SLC9A9: variants seen among roughly 807,000 people sequenced by gnomAD.
SLC9A9 encodes sodium/hydrogen exchanger 9.
In SLC9A9, 62 loss-of-function variants were observed where a neutral mutation model predicts 77.8. That is an observed-to-expected ratio of 0.80 (90% CI 0.65 to 0.98). The LOEUF (loss-of-function observed/expected upper bound fraction) is 0.98. SLC9A9 is among the 50% of genes least tolerant of loss of function. The probability of loss-of-function intolerance (pLI) is 0.00; values close to 1 mark genes in which losing one functional copy is unlikely to be tolerated. For missense variants in SLC9A9, 775 were observed against 774.9 expected (o/e 1.00, Z 0.00); for synonymous variants, 320 against 283.5 (o/e 1.13, Z -1.29).
In SLC9A9 at chr3:143,807,401, G is replaced by A. The variant is rs573122454; in HGVS notation, c.379-10498C>T. Among the ~76,000 whole-genome samples, 19 of 152,380 alleles carry A rather than the reference G, an allele frequency of 1.2e-4. No homozygotes were observed. In the South Asian group the frequency reaches 1.9e-3, roughly 15 times the overall value. ...AAAAGAAATGGTGGAGTGGGCAAAG[G>A]CCATAGTGTGGGGCCTCACTGACCT... On this transcript the variant is annotated intron_variant, in intron 2 of 15. Coordinates refer to ENST00000316549, the MANE Select transcript of SLC9A9 (RefSeq NM_173653.4).
At chr3:143,367,310 A>ATT (rs2032934154) in intron 13 of SLC9A9, among the ~76,000 whole-genome samples, 1 of 152,238 alleles carries the variant, frequency 6.6e-6, no homozygotes, top group Non-Finnish European at 1.5e-5. Flanking sequence ...GTGAGGAATA[A>ATT]ACTTGGATCT....
chr3:143,718,595 C>T (rs887236208), intron 4 of SLC9A9, among the ~76,000 whole-genome samples: 1 of 152,218 alleles, frequency 6.6e-6, no homozygotes, highest in African/African-American at 2.4e-5. Context: ...GTTCCACCAC[C>T]TTCCTGGCCC....
intron 12 of SLC9A9, among the ~76,000 whole-genome samples, chr3:143,442,434 C>T (rs923663169): frequency 4.6e-5 from 7 of 152,204 alleles, no homozygotes; most frequent in Admixed American, 4.6e-4. Flanking sequence ...ACTTTAAACT[C>T]ACATGGGCTG....
At chr3:143,371,402 T>C (rs558871237) in intron 13 of SLC9A9, among the ~76,000 whole-genome samples, 16 of 152,318 alleles carry the variant, frequency 1.1e-4, no homozygotes, top group African/African-American at 3.8e-4. Flanking sequence ...TACAAGATTT[T>C]AATGGCTTGA....
chr3:143,843,428 G>A (rs2009755139), intron 1 of SLC9A9, among the ~76,000 whole-genome samples: 1 of 152,216 alleles, frequency 6.6e-6, no homozygotes, highest in African/African-American at 2.4e-5. Flanking sequence ...GGTGTTGAGT[G>A]AATTAAATTT....
chr3:143,394,718 C>A (rs908544157), intron 12 of SLC9A9, among the ~76,000 whole-genome samples: 2 of 152,102 alleles, frequency 1.3e-5, no homozygotes, highest in Non-Finnish European at 2.9e-5. Flanking sequence ...GTCTCAGCCC[C>A]AAATCTCCTT....
At chr3:143,287,533 C>T (rs749058459) in intron 14 of SLC9A9, among the ~76,000 whole-genome samples, 8 of 152,112 alleles carry the variant, frequency 5.3e-5, no homozygotes, top group Non-Finnish European at 7.4e-5. Flanking sequence ...CTGAAAGAAC[C>T]TGGAGCAGAT....
At chr3:143,303,242 G>T (rs2030613962) in intron 14 of SLC9A9, among the ~76,000 whole-genome samples, 1 of 152,380 alleles carries the variant, frequency 6.6e-6, no homozygotes, top group Admixed American at 6.5e-5. Context: ...GTGTGTTTGT[G>T]TTGGGGCTGG....
At chr3:143,552,484 T>A in intron 8 of SLC9A9, 34 bp from the exon 9 acceptor site, 2 of 1,591,744 alleles carry the variant, frequency 1.3e-6, no homozygotes, top group Non-Finnish European at 1.7e-6. Context: ...TCAAAACCAA[T>A]TTTTCTTTTC....
intron 14 of SLC9A9, among the ~76,000 whole-genome samples, chr3:143,292,499 G>A (rs895208619): frequency 1.3e-5 from 2 of 151,922 alleles, no homozygotes; most frequent in Non-Finnish European, 2.9e-5. Flanking sequence ...TTTTTTTCGC[G>A]ATGTCCTATA....
At chr3:143,361,958 T>C (rs1177470080) in intron 14 of SLC9A9, among the ~76,000 whole-genome samples, 1 of 152,252 alleles carries the variant, frequency 6.6e-6, no homozygotes, top group Non-Finnish European at 1.5e-5. Context: ...TACCGTGTTC[T>C]TTCTGTACAT....
At chr3:143,456,203 A>G (rs2035088648) in intron 12 of SLC9A9, among the ~76,000 whole-genome samples, 1 of 152,096 alleles carries the variant, frequency 6.6e-6, no homozygotes, top group Non-Finnish European at 1.5e-5. Flanking sequence ...CATTTCAGTG[A>G]TTGATATTTA....
At chr3:143,783,571 T>C (rs2007951127) in intron 4 of SLC9A9, among the ~76,000 whole-genome samples, 1 of 152,148 alleles carries the variant, frequency 6.6e-6, no homozygotes, top group Admixed American at 6.5e-5. Flanking sequence ...GTTATCAACC[T>C]AAAATGGATT....
chr3:143,584,248 G>T (rs1265218309), intron 6 of SLC9A9, among the ~76,000 whole-genome samples: 1 of 152,014 alleles, frequency 6.6e-6, no homozygotes, highest in Non-Finnish European at 1.5e-5. Flanking sequence ...GGGCTGCTGA[G>T]ACACTTTGCC....
At chr3:143,391,214 C>T (rs1184509057) in intron 12 of SLC9A9, among the ~76,000 whole-genome samples, 1 of 152,236 alleles carries the variant, frequency 6.6e-6, no homozygotes, top group Non-Finnish European at 1.5e-5. Context: ...TAGGGGCAGA[C>T]AGACACCTCA....
chr3:143,621,739 C>T (rs2038216902), intron 6 of SLC9A9, among the ~76,000 whole-genome samples: 1 of 152,158 alleles, frequency 6.6e-6, no homozygotes, highest in Non-Finnish European at 1.5e-5. Context: ...CAGCTCCTCA[C>T]CAGCAATGGA....
In SLC9A9 at chr3:143,574,136, G is replaced by T; in HGVS notation, c.952C>A (p.Leu318Met). ...GACAGGAAGGCACTCCAAGAAAGCA[G>T]GAAAAACAGGCCGGTTTCCAGCATC... is the stretch of plus-strand genomic sequence containing the variant. ...FPMLETGLFF[L>M]LSWSAFLSAE... The change falls in exon 8 of 16, where the codon CTG becomes ATG. Residue 318 changes from leucine to methionine, a missense_variant. Coordinates refer to ENST00000316549, the MANE Select transcript of SLC9A9 (RefSeq NM_173653.4). The T allele has an allele frequency of 1.2e-6, 2 of 1,613,572 alleles. No homozygotes were observed. Among genetic ancestry groups the T allele is most frequent in the Non-Finnish European group, 1.7e-6 (2 of 1,179,652 alleles).
rs185081333 is a variant in SLC9A9, at chr3:143,631,919, C to A, written c.755+20336G>T. 2.4e-3 allele frequency among the ~76,000 whole-genome samples: 368 copies of A among 152,194 alleles called. 1 individual carries two copies. Among genetic ancestry groups the A allele is most frequent in the African/African-American group, 8.7e-3 (360 of 41,504 alleles). On this transcript the variant is annotated intron_variant, in intron 6 of 15. Coordinates refer to ENST00000316549, the MANE Select transcript of SLC9A9 (RefSeq NM_173653.4). The stretch of plus-strand genomic sequence containing the variant: ...ACATAGGCTGCTCCTGACTATGATT[C>A]CCACATGCTGGACCAGAACCAGTGA...
chr3:143,728,761 A>G (rs1179831575), intron 4 of SLC9A9, among the ~76,000 whole-genome samples: 1 of 152,014 alleles, frequency 6.6e-6, no homozygotes, highest in Non-Finnish European at 1.5e-5. Context: ...ATATATTTGA[A>G]GGAAGAAATC....
Sources: allele counts gnomAD v4.1 joint callset (sites outside exome capture counted in the v4.1 genomes callset), GRCh38; gene constraint gnomAD v4.1.1; transcripts MANE v1.5; gene names NCBI Gene and HGNC (gene_info 2026-07-23, HGNC 2026-07-21).